STARD13: variants seen among roughly 807,000 people sequenced by gnomAD.
STARD13 encodes the protein StAR related lipid transfer domain containing 13, also known as stAR-related lipid transfer protein 13.
In STARD13, 62 loss-of-function variants were observed where a neutral mutation model predicts 106.4. That is an observed-to-expected ratio of 0.58 (90% CI 0.48 to 0.72). The LOEUF is 0.72. Ranked by LOEUF, STARD13 falls within the 30% of genes least tolerant of loss-of-function variation. The pLI is 0.00. For synonymous variants in STARD13, 565 were observed against 553.0 expected, an observed-to-expected ratio of 1.02 and a Z score of -0.31; for missense variants, 1,387 against 1,424.0, an observed-to-expected ratio of 0.97 and a Z score of 0.42.
At chr13:33,176,052 T>G (rs964955692) in intron 1 of STARD13, among the ~76,000 whole-genome samples, 3 of 152,170 alleles carry the variant, frequency 2.0e-5, no homozygotes, top group African/African-American at 7.2e-5. Context: ...ATTCCTTTGC[T>G]CCTTTTGGGG....
At chr13:33,197,640 G>A (rs1259389850) in intron 1 of STARD13, among the ~76,000 whole-genome samples, 1 of 152,222 alleles carries the variant, frequency 6.6e-6, no homozygotes, top group African/African-American at 2.4e-5. Context: ...ACACAGTGCT[G>A]CTGCTGACGC....
Position 33,192,439 on chromosome 13 carries a change from T to A in STARD13, c.170-24817A>T, listed in dbSNP as rs1325363. 2.9e-4 allele frequency among the ~76,000 whole-genome samples: 44 copies of A among 152,206 alleles called. No individual in the cohort carries two copies. In the South Asian group the frequency reaches 9.1e-3, roughly 32 times the overall value. On this transcript the variant is annotated intron_variant, in intron 1 of 13. Coordinates refer to ENST00000336934, the MANE Select transcript of STARD13 (RefSeq NM_178006.4). ...TTGTACGAGGAAAGTTTATAGGACC[T>A]GTGAAAGCCATTCAATTGTTTTTCT...
At chr13:33,579,753 G>A in the STARD13 span, among the ~76,000 whole-genome samples, 1 of 151,484 alleles carries the variant, frequency 6.6e-6, no homozygotes, top group African/African-American at 2.4e-5. Context: ...ATTTAAAATG[G>A]GGAAAAATCT....
chr13:33,549,769 T>C, the STARD13 span, among the ~76,000 whole-genome samples: 15 of 152,216 alleles, frequency 9.9e-5, no homozygotes, highest in Non-Finnish European at 1.2e-4. Context: ...TTTTTGTATA[T>C]GTATGGAGGT....
the STARD13 span, among the ~76,000 whole-genome samples, chr13:33,578,125 T>C: frequency 6.6e-6 from 1 of 152,024 alleles, no homozygotes. Flanking sequence ...AATACCAACA[T>C]CATTTTTCAC....
At chr13:33,401,718 C>A in the STARD13 span, among the ~76,000 whole-genome samples, 1 of 152,294 alleles carries the variant, frequency 6.6e-6, no homozygotes, top group South Asian at 2.1e-4. Flanking sequence ...CAATAAAATC[C>A]TTGCAAATTT....
intron 1 of STARD13, among the ~76,000 whole-genome samples, chr13:33,307,306 G>GATAA (rs1566130259): frequency 6.6e-6 from 1 of 152,104 alleles, no homozygotes; most frequent in Non-Finnish European, 1.5e-5. Flanking sequence ...CCATTACTAG[G>GATAA]TTATATATAC....
the STARD13 span, among the ~76,000 whole-genome samples, chr13:33,399,017 A>G: frequency 6.6e-6 from 1 of 152,238 alleles, no homozygotes; most frequent in Admixed American, 6.5e-5. Context: ...GTGAGTAAAT[A>G]AACAAGTTAT....
At chr13:33,448,750 C>T in the STARD13 span, among the ~76,000 whole-genome samples, 21 of 152,086 alleles carry the variant, frequency 1.4e-4, no homozygotes, top group African/African-American at 4.3e-4. Flanking sequence ...CTTTTCTCCG[C>T]GTCTTCACCA....
the STARD13 span, among the ~76,000 whole-genome samples, chr13:33,424,321 T>A: frequency 6.6e-6 from 1 of 152,168 alleles, no homozygotes. Flanking sequence ...GGGAAATTTT[T>A]ACAGAGGTGG....
intron 1 of STARD13, among the ~76,000 whole-genome samples, chr13:33,266,429 C>G (rs1409077412): frequency 1.3e-5 from 2 of 152,236 alleles, no homozygotes; most frequent in African/African-American, 4.8e-5. Flanking sequence ...TTCTGCTCTA[C>G]TTAAAAGCCC....
chr13:33,459,089 C>G, the STARD13 span, among the ~76,000 whole-genome samples: 1 of 152,006 alleles, frequency 6.6e-6, no homozygotes, highest in Non-Finnish European at 1.5e-5. Context: ...TTTTTACAGC[C>G]TATTGAGGTA....
At chr13:33,375,673 A>C in the STARD13 span, among the ~76,000 whole-genome samples, 1 of 151,994 alleles carries the variant, frequency 6.6e-6, no homozygotes, top group Non-Finnish European at 1.5e-5. Flanking sequence ...TTTCGTGAGA[A>C]CTCACTATCA....
the STARD13 span, among the ~76,000 whole-genome samples, chr13:33,417,089 G>A: frequency 6.6e-6 from 1 of 152,140 alleles, no homozygotes; most frequent in Non-Finnish European, 1.5e-5. Flanking sequence ...CTTCCAGGAA[G>A]ATACACAAGT....
chr13:33,504,078 T>C, the STARD13 span, among the ~76,000 whole-genome samples: 1 of 152,282 alleles, frequency 6.6e-6, no homozygotes, highest in African/African-American at 2.4e-5. Flanking sequence ...CCAGTTAGAA[T>C]GGCGATCATT....
intron 1 of STARD13, among the ~76,000 whole-genome samples, chr13:33,329,192 T>C (rs1305072615): frequency 2.0e-5 from 3 of 152,234 alleles, no homozygotes; most frequent in Non-Finnish European, 4.4e-5. Context: ...TTTTAAACTA[T>C]GTACCCCTAA....
rs143720435 is a variant in STARD13, at chr13:33,343,158, C to T, written c.124+7132G>A. On this transcript the variant is annotated intron_variant, in intron 1 of 5. Transcript: ENST00000567873. Reference sequence around the variant, plus strand: ...AGAACCTTTGAGTCCTTTTTCTCTCCCATGCAAATCTGCCAGTTATCCTCA... The same window carrying T: ...AGAACCTTTGAGTCCTTTTTCTCTCTCATGCAAATCTGCCAGTTATCCTCA... Among the ~76,000 whole-genome samples, 1,520 of 152,164 alleles carry T rather than the reference C, an allele frequency of 1.0e-2. 12 individuals are homozygous for T. Among genetic ancestry groups the T allele is most frequent in the Middle Eastern group, 0.017 (5 of 294 alleles).
At chr13:33,362,243 C>T in the STARD13 span, among the ~76,000 whole-genome samples, 11 of 152,236 alleles carry the variant, frequency 7.2e-5, no homozygotes, top group African/African-American at 2.6e-4. Flanking sequence ...AGAAGGATCA[C>T]ATGGCAAGAG....
At position 33,117,948 on chromosome 13, in the gene STARD13, A is replaced by T. The variant is rs1875636248; in HGVS notation, c.2281+117T>A. 2.0e-6 allele frequency: 3 copies of T among 1,523,490 alleles called. No homozygotes were observed. The Admixed American group carries it at 6.1e-5, about 31-fold the overall frequency. 94.4% of individuals were successfully genotyped at this position (1,523,490 alleles called of 1,614,324 possible). Reference sequence around the variant, plus strand: ...CTTCCGTAGAGGAGAGCAGGATTACATACATCTTTATGGATTGATGTATTA... The same window carrying T: ...CTTCCGTAGAGGAGAGCAGGATTACTTACATCTTTATGGATTGATGTATTA... On this transcript the variant is annotated intron_variant, in intron 8 of 13. Transcript: ENST00000336934.
Sources: gnomAD v4.1 joint callset for allele counts (sites outside exome capture counted in the v4.1 genomes callset) on GRCh38, gnomAD v4.1.1 for gene constraint, MANE v1.5 for transcripts, NCBI Gene and HGNC (gene_info 2026-07-23, HGNC 2026-07-21) for gene names.